Variants in H2AC6 observed in about 807,000 individuals in gnomAD.
The protein encoded by H2AC6 is histone H2A type 1-C.
Under a neutral mutation model 6.8 loss-of-function variants are expected in H2AC6, and 5 were observed. The observed-to-expected ratio is 0.73, with a 90% CI of 0.38 to 1.54. The LOEUF (loss-of-function observed/expected upper bound fraction) is 1.54. Among genes scored for constraint, H2AC6 ranks in the 40% most tolerant of loss-of-function variants. The pLI, the probability that H2AC6 is intolerant of heterozygous loss-of-function variation, is 0.03. For missense variants in H2AC6, 154 were observed against 180.7 expected (o/e 0.85, Z 0.85); for synonymous variants, 146 against 79.2 (o/e 1.84, Z -4.48).
chr6:26,124,218 T>A lies in H2AC6; in HGVS notation c.-15T>A. On this transcript the variant is annotated 5_prime_UTR_variant, in exon 1 of 1. Coordinates refer to ENST00000377791, the MANE Select transcript of H2AC6 (RefSeq NM_003512.4). Reference sequence around the variant, plus strand: ...AGCTTAGGCCGCTGGTTTTGGTGATTTTTGTCTGATTGCAATGTCTGGACG... The same window carrying A: ...AGCTTAGGCCGCTGGTTTTGGTGATATTTGTCTGATTGCAATGTCTGGACG... 1 of 1,559,178 alleles carries A rather than the reference T, an allele frequency of 6.4e-7. No individual in the cohort carries two copies. Among genetic ancestry groups the A allele is most frequent in the Middle Eastern group, 1.7e-4 (1 of 5,758 alleles).
Position 26,124,179 on chromosome 6 carries a change from T to C in H2AC6, c.-54T>C, listed in dbSNP as rs1454029008. 5.9e-6 allele frequency: 9 copies of C among 1,526,752 alleles called. No homozygotes were observed. The highest frequency in any genetic ancestry group is 2.3e-5 in the East Asian group (1 of 44,258). 94.6% of individuals were successfully genotyped at this position (1,526,752 alleles called of 1,614,324 possible). ...ATGTTTTACATATTTCTTGATTTTG[T>C]TTGTTTTCTCGTGAGCTTAGGCCGC... On this transcript the variant is annotated 5_prime_UTR_variant, in exon 1 of 1. Coordinates refer to ENST00000377791, the MANE Select transcript of H2AC6 (RefSeq NM_003512.4).
rs764036363 is a variant in H2AC6 at position 26,124,358 on chromosome 6, G to T, written c.126G>T (p.Glu42Asp). The T allele has an allele frequency of 1.9e-6, 3 of 1,614,032 alleles. No homozygotes were observed. Among genetic ancestry groups the T allele is most frequent in the African/African-American group, 2.7e-5 (2 of 74,934 alleles). Reference protein sequence around the residue: ...HRLLRKGNYAERVGAGAPVYL... With the variant: ...HRLLRKGNYADRVGAGAPVYL... ...TGCTCCGTAAAGGCAACTACGCAGA[G>T]CGGGTTGGGGCAGGCGCGCCGGTGT... The change falls in exon 1 of 1, where the codon GAG (glutamate) becomes GAT (aspartate). Residue 42 changes from glutamate to aspartate, a missense_variant. By Grantham distance (45) the Glu-to-Asp change is conservative (BLOSUM62 2). Around this residue, in one of 2 missense-constraint regions of H2AC6, gnomAD observed 111 missense variants for 91.9 expected, o/e 1.21. Coordinates refer to ENST00000377791, the MANE Select transcript of H2AC6 (RefSeq NM_003512.4).
In H2AC6 at chr6:26,124,264, C is replaced by G; in HGVS notation, c.32C>G (p.Ala11Gly). 6.2e-7 allele frequency: 1 copy of G among 1,605,688 alleles called. No homozygotes were observed. The highest frequency in any genetic ancestry group is 8.5e-7 in the Non-Finnish European group (1 of 1,175,386). MSGRGKQGGK[A>G]RAKAKSRSSR... ...GGACGTGGTAAGCAAGGAGGCAAAG[C>G]TCGCGCCAAAGCGAAATCCCGCTCT... is the stretch of plus-strand genomic sequence containing the variant. Residue 11 changes from alanine (A) to glycine (G), a missense_variant, in exon 1 of 1, where the codon GCT becomes GGT. Transcript: ENST00000377791.
At position 26,124,487 on chromosome 6, in the gene H2AC6, G is replaced by A. The variant is rs879171091; in HGVS notation, c.255G>A (p.Gln85=). The change falls in exon 1 of 1, where the codon CAG becomes CAA. Residue 85 remains glutamine (Q), a synonymous_variant. Transcript: ENST00000377791. ...CTCGCATCATCCCGCGCCACTTGCA[G>A]CTGGCCATCCGCAACGACGAGGAGC... is the stretch of plus-strand genomic sequence containing the variant. ...KKTRIIPRHL[Q]LAIRNDEELN... 3 of 1,614,190 alleles carry A rather than the reference G, an allele frequency of 1.9e-6. No homozygotes were observed. Among genetic ancestry groups the A allele is most frequent in the South Asian group, 2.2e-5 (2 of 91,084 alleles).
In H2AC6 at chr6:26,124,415, C is replaced by G. The variant is rs774175046; in HGVS notation, c.183C>G (p.Ala61=). 8 of 1,614,070 alleles carry G rather than the reference C, an allele frequency of 5.0e-6. No homozygotes were observed. The highest frequency in any genetic ancestry group is 6.8e-6 in the Non-Finnish European group (8 of 1,180,042). Residue 61 remains alanine, a synonymous_variant, in exon 1 of 1, where the codon GCC becomes GCG. Transcript: ENST00000377791. ...CGGCGGTGTTAGAGTACCTGACCGC[C>G]GAGATCCTGGAGCTGGCCGGCAACG... is the stretch of plus-strand genomic sequence containing the variant. ...YLAAVLEYLT[A]EILELAGNAA...
At position 26,124,202 on chromosome 6, in the gene H2AC6, C is replaced by G. The variant is rs198819; in HGVS notation, c.-31C>G. 1.9e-6 allele frequency: 3 copies of G among 1,547,804 alleles called. No individual in the cohort carries two copies. The highest frequency in any genetic ancestry group is 1.4e-5 in the African/African-American group (1 of 72,362). On this transcript the variant is annotated 5_prime_UTR_variant, in exon 1 of 1. Coordinates refer to ENST00000377791, the MANE Select transcript of H2AC6 (RefSeq NM_003512.4). ...TGTTTGTTTTCTCGTGAGCTTAGGC[C>G]GCTGGTTTTGGTGATTTTTGTCTGA...
At position 26,124,302 on chromosome 6, in the gene H2AC6, C is replaced by T; in HGVS notation, c.70C>T (p.Leu24Phe). The T allele has an allele frequency of 6.2e-7, 1 of 1,613,416 alleles. No homozygotes were observed. The highest frequency in any genetic ancestry group is 8.5e-7 in the Non-Finnish European group (1 of 1,179,574). The change falls in exon 1 of 1, where the codon CTC becomes TTC. Residue 24 changes from leucine to phenylalanine, a missense_variant. Physicochemically the swap from Leu to Phe is conservative, Grantham distance 22. Around this residue, in one of 2 missense-constraint regions of H2AC6, gnomAD observed 111 missense variants for 91.9 expected, o/e 1.21. Coordinates refer to ENST00000377791, the MANE Select transcript of H2AC6 (RefSeq NM_003512.4). ...KAKSRSSRAGLQFPVGRVHRL... is the reference protein window; with the variant it reads ...KAKSRSSRAGFQFPVGRVHRL... ...GAAATCCCGCTCTTCTCGCGCTGGT[C>T]TCCAGTTCCCGGTGGGCCGAGTGCA... is the stretch of plus-strand genomic sequence containing the variant.
chr6:26,124,297 C>T lies in H2AC6; in HGVS notation c.65C>T (p.Ala22Val), dbSNP rs770012820. 2 of 1,612,920 alleles carry T rather than the reference C, an allele frequency of 1.2e-6. No homozygotes were observed. Among genetic ancestry groups the T allele is most frequent in the East Asian group, 2.2e-5 (1 of 44,878 alleles). ...AAAGCGAAATCCCGCTCTTCTCGCG[C>T]TGGTCTCCAGTTCCCGGTGGGCCGA... ...RAKAKSRSSRAGLQFPVGRVH... is the reference protein window; with the variant it reads ...RAKAKSRSSRVGLQFPVGRVH... Residue 22 changes from alanine to valine, a missense_variant, in exon 1 of 1, where the codon GCT becomes GTT. Transcript: ENST00000377791.
rs1763596941 is a variant in H2AC6, at chr6:26,124,690, A to G, written c.*65A>G. 2.3e-5 allele frequency: 35 copies of G among 1,545,026 alleles called. No homozygotes were observed. The South Asian group carries it at 2.7e-4, about 12-fold the overall frequency. On this transcript the variant is annotated 3_prime_UTR_variant, in exon 1 of 1. Transcript: ENST00000377791. ...CAAAGGCTCTTTTCAGAGCCCCCCT[A>G]CCGTTTCAAAGGAAGAGCTAACCTC... is the stretch of plus-strand genomic sequence containing the variant.
rs546571854 is a variant in H2AC6 at position 26,124,173 on chromosome 6, A to C, written c.-60A>C. On this transcript the variant is annotated 5_prime_UTR_variant, in exon 1 of 1. Coordinates refer to ENST00000377791, the MANE Select transcript of H2AC6 (RefSeq NM_003512.4). ...GCGGCCATGTTTTACATATTTCTTG[A>C]TTTTGTTTGTTTTCTCGTGAGCTTA... 20 of 1,524,432 alleles carry C rather than the reference A, an allele frequency of 1.3e-5. No individual in the cohort carries two copies. In the South Asian group the frequency reaches 2.5e-4, roughly 19 times the overall value. The allele number at this position is 1,524,432 out of a possible 1,614,324, so 94.4% of individuals were successfully genotyped here.
chr6:26,124,327 A>G lies in H2AC6; in HGVS notation c.95A>G (p.His32Arg), dbSNP rs912075439. The G allele has an allele frequency of 6.2e-7, 1 of 1,612,944 alleles. No homozygotes were observed. Among genetic ancestry groups the G allele is most frequent in the Non-Finnish European group, 8.5e-7 (1 of 1,179,616 alleles). The change falls in exon 1 of 1, where the codon CAC (histidine) becomes CGC (arginine). Residue 32 changes from histidine to arginine, a missense_variant. Physicochemically the swap from His to Arg is conservative, Grantham distance 29. Coordinates refer to ENST00000377791, the MANE Select transcript of H2AC6 (RefSeq NM_003512.4). The part of the protein sequence containing the change: ...AGLQFPVGRV[H>R]RLLRKGNYAE... ...CTCCAGTTCCCGGTGGGCCGAGTGC[A>G]CCGCCTGCTCCGTAAAGGCAACTAC...
rs1395012854 is a variant in H2AC6, at chr6:26,124,405, A to C, written c.173A>C (p.Tyr58Ser). The C allele has an allele frequency of 6.2e-7, 1 of 1,613,998 alleles. No homozygotes were observed. Among genetic ancestry groups the C allele is most frequent in the Non-Finnish European group, 8.5e-7 (1 of 1,179,968 alleles). ...GTGTACCTGGCGGCGGTGTTAGAGT[A>C]CCTGACCGCCGAGATCCTGGAGCTG... ...APVYLAAVLE[Y>S]LTAEILELAG... is the part of the protein sequence containing the mutation. The change falls in exon 1 of 1, where the codon TAC (tyrosine) becomes TCC (serine). Residue 58 changes from tyrosine (Y) to serine (S), a missense_variant. Physicochemically the swap from Tyr to Ser is moderately radical, Grantham distance 144. Coordinates refer to ENST00000377791, the MANE Select transcript of H2AC6 (RefSeq NM_003512.4).
rs1250627944 is a variant in H2AC6, at chr6:26,124,398, T to C, written c.166T>C (p.Leu56=). The change falls in exon 1 of 1, where the codon TTA becomes CTA. Residue 56 remains leucine (L), a synonymous_variant. Coordinates refer to ENST00000377791, the MANE Select transcript of H2AC6 (RefSeq NM_003512.4). ...AGAPVYLAAV[L]EYLTAEILEL... The stretch of plus-strand genomic sequence containing the variant: ...CGCGCCGGTGTACCTGGCGGCGGTG[T>C]TAGAGTACCTGACCGCCGAGATCCT... 6.2e-7 allele frequency: 1 copy of C among 1,613,908 alleles called. No homozygotes were observed. The highest frequency in any genetic ancestry group is 1.7e-5 in the Admixed American group (1 of 59,994).
chr6:26,124,543 C>G lies in H2AC6; in HGVS notation c.311C>G (p.Ala104Gly). ...AAACTGCTAGGCCGGGTGACCATTG[C>G]TCAGGGCGGCGTCCTTCCTAACATC... ...LNKLLGRVTI[A>G]QGGVLPNIQA... Residue 104 changes from alanine to glycine, a missense_variant, in exon 1 of 1, where the codon GCT becomes GGT. Ala to Gly is a moderately conservative substitution (Grantham distance 60). This residue lies in a region of H2AC6 where 43 missense variants were observed against 88.7 expected (regional missense o/e 0.48). Coordinates refer to ENST00000377791, the MANE Select transcript of H2AC6 (RefSeq NM_003512.4). 6.2e-7 allele frequency: 1 copy of G among 1,614,218 alleles called. No homozygotes were observed. Among genetic ancestry groups the G allele is most frequent in the Non-Finnish European group, 8.5e-7 (1 of 1,180,036 alleles).
In H2AC6 at chr6:26,124,190, G is replaced by C. The variant is rs1343363837; in HGVS notation, c.-43G>C. ...ATTTCTTGATTTTGTTTGTTTTCTC[G>C]TGAGCTTAGGCCGCTGGTTTTGGTG... On this transcript the variant is annotated 5_prime_UTR_variant, in exon 1 of 1. Coordinates refer to ENST00000377791, the MANE Select transcript of H2AC6 (RefSeq NM_003512.4). The C allele has an allele frequency of 3.3e-6, 5 of 1,531,694 alleles. No individual in the cohort carries two copies. Among genetic ancestry groups the C allele is most frequent in the Middle Eastern group, 1.8e-4 (1 of 5,658 alleles). 94.9% of individuals were successfully genotyped at this position (1,531,694 alleles called of 1,614,324 possible).
Position 26,124,655 on chromosome 6 carries a change from C to T in H2AC6, c.*30C>T, listed in dbSNP as rs1646359763. The T allele has an allele frequency of 6.3e-7, 1 of 1,599,100 alleles. No individual in the cohort carries two copies. Among genetic ancestry groups the T allele is most frequent in the Admixed American group, 1.7e-5 (1 of 58,578 alleles). On this transcript the variant is annotated 3_prime_UTR_variant, in exon 1 of 1. Coordinates refer to ENST00000377791, the MANE Select transcript of H2AC6 (RefSeq NM_003512.4). ...ACAGGTATCTGAGCTCCCGGAAACG[C>T]TATCAAACCCAAAGGCTCTTTTCAG... is the stretch of plus-strand genomic sequence containing the variant.
rs1165202098 is a variant in H2AC6 at position 26,124,594 on chromosome 6, C to G, written c.362C>G (p.Thr121Ser). Reference sequence around the variant, plus strand: ...CAGGCCGTGCTTCTGCCTAAGAAGACCGAGAGTCACCACAAGGCCAAGGGC... The same window carrying G: ...CAGGCCGTGCTTCTGCCTAAGAAGAGCGAGAGTCACCACAAGGCCAAGGGC... ...NIQAVLLPKK[T>S]ESHHKAKGK Residue 121 changes from threonine (T) to serine (S), a missense_variant, in exon 1 of 1, where the codon ACC (threonine) becomes AGC (serine). Coordinates refer to ENST00000377791, the MANE Select transcript of H2AC6 (RefSeq NM_003512.4). 2 of 1,614,084 alleles carry G rather than the reference C, an allele frequency of 1.2e-6. No individual in the cohort carries two copies. The highest frequency in any genetic ancestry group is 1.7e-6 in the Non-Finnish European group (2 of 1,179,942).
In H2AC6 at chr6:26,124,174, T is replaced by G. The variant is rs945618521; in HGVS notation, c.-59T>G. On this transcript the variant is annotated 5_prime_UTR_variant, in exon 1 of 1. Transcript: ENST00000377791. ...CGGCCATGTTTTACATATTTCTTGA[T>G]TTTGTTTGTTTTCTCGTGAGCTTAG... 2.5e-5 allele frequency: 38 copies of G among 1,523,798 alleles called. No homozygotes were observed. Among genetic ancestry groups the G allele is most frequent in the Non-Finnish European group, 3.3e-5 (38 of 1,138,112 alleles). The allele number at this position is 1,523,798 out of a possible 1,614,324, so 94.4% of individuals were successfully genotyped here. A position where few individuals can be genotyped will look rare whatever the true frequency, so the allele number is the denominator to read the frequency against.
chr6:26,124,687 C>G lies in H2AC6; in HGVS notation c.*62C>G, dbSNP rs1054997555. The G allele has an allele frequency of 1.9e-6, 3 of 1,548,396 alleles. No individual in the cohort carries two copies. Among genetic ancestry groups the G allele is most frequent in the Non-Finnish European group, 2.6e-6 (3 of 1,144,528 alleles). On this transcript the variant is annotated 3_prime_UTR_variant, in exon 1 of 1. Transcript: ENST00000377791. ...ACCCAAAGGCTCTTTTCAGAGCCCC[C>G]CTACCGTTTCAAAGGAAGAGCTAAC...
Sources: gnomAD v4.1 joint callset for allele counts on GRCh38, gnomAD v4.1.1 for gene constraint, gnomAD v4.1.1 regional missense constraint, MANE v1.5 for transcripts, NCBI Gene and HGNC (gene_info 2026-07-23, HGNC 2026-07-21) for gene names.